Variants in APBA1 observed in about 807,000 individuals in gnomAD.
The protein encoded by APBA1 is amyloid-beta A4 precursor protein-binding family A member 1.
In APBA1, 55 loss-of-function variants were observed where a neutral mutation model predicts 86.6. The observed-to-expected ratio is 0.64, with a 90% CI of 0.51 to 0.80. The LOEUF is 0.80. Among genes scored for constraint, APBA1 ranks in the 30% least tolerant of loss-of-function variants. APBA1 has a pLI of 0.00. For synonymous variants in APBA1, 511 were observed against 493.9 expected, an observed-to-expected ratio of 1.03 and a Z score of -0.46; for missense variants, 1,090 against 1,183.0, an observed-to-expected ratio of 0.92 and a Z score of 1.15.
intron 1 of APBA1, among the ~76,000 whole-genome samples, chr9:69,636,831 G>A (rs1269931279): frequency 2.9e-4 from 2 of 6,826 alleles, no homozygotes; most frequent in East Asian, 0.011. Flanking sequence ...GAGAGAGAGA[G>A]GGAGGGAGGG....
intron 1 of APBA1, among the ~76,000 whole-genome samples, chr9:69,535,329 A>G (rs1836491762): frequency 6.6e-6 from 1 of 152,188 alleles, no homozygotes; most frequent in African/African-American, 2.4e-5. Context: ...CTGAGATCAC[A>G]TGGAAGTAGT....
intron 12 of APBA1, 132 bp downstream of exon 12, chr9:69,432,404 T>G (rs1834617073): frequency 1.2e-6 from 1 of 861,442 alleles, no homozygotes; most frequent in Non-Finnish European, 1.6e-6. Flanking sequence ...CAGGTCTGCT[T>G]GTTGGGGAGT....
At chr9:69,627,630 T>C (rs1464161896) in intron 1 of APBA1, among the ~76,000 whole-genome samples, 1 of 152,016 alleles carries the variant, frequency 6.6e-6, no homozygotes, top group Non-Finnish European at 1.5e-5. Flanking sequence ...ATGAAACAAA[T>C]ACGATGGCTA....
chr9:69,656,670 A>G (rs1823618641), intron 1 of APBA1, among the ~76,000 whole-genome samples: 4 of 152,218 alleles, frequency 2.6e-5, no homozygotes, highest in South Asian at 2.1e-4. Flanking sequence ...CAGATATGTG[A>G]AAATTTAGCA....
At chr9:69,595,494 G>A (rs1443565017) in intron 1 of APBA1, among the ~76,000 whole-genome samples, 2 of 152,110 alleles carry the variant, frequency 1.3e-5, no homozygotes, top group African/African-American at 2.4e-5. Flanking sequence ...ATATTCTAGC[G>A]GATCTCTAAC....
rs1834568206 is a variant in APBA1, at chr9:69,430,379, G to C, written c.*948C>G. 1 of 152,236 alleles carries C rather than the reference G, an allele frequency of 6.6e-6. No homozygotes were observed. The highest frequency in any genetic ancestry group is 2.4e-5 in the African/African-American group (1 of 41,462). 9.4% of individuals were successfully genotyped at this position (152,236 alleles called of 1,614,324 possible). ...GAGGGGCTGGGCCTCAGCGCAGAGA[G>C]GGCAGGTCTCTCAGGATGAGGCTGA... On this transcript the variant is annotated 3_prime_UTR_variant, in exon 13 of 13. Coordinates refer to ENST00000265381, the MANE Select transcript of APBA1 (RefSeq NM_001163.4).
chr9:69,658,351 T>A (rs1470728404), intron 1 of APBA1, among the ~76,000 whole-genome samples: 4 of 145,720 alleles, frequency 2.7e-5, no homozygotes, highest in Non-Finnish European at 4.5e-5. Context: ...TCTTTCTTTC[T>A]TTCTTTCTGT....
In APBA1 at chr9:69,510,626, C is replaced by T. The variant is rs561900377; in HGVS notation, c.1200+5385G>A. Among the ~76,000 whole-genome samples the T allele has an allele frequency of 2.1e-5, 3 of 141,386 alleles. No homozygotes were observed. The East Asian group carries it at 6.7e-4, about 32-fold the overall frequency. The allele number at this position is 141,386 out of a possible 152,430, so 92.8% of individuals were successfully genotyped here. Reference sequence around the variant, plus strand: ...CCCGCATCGCCAAGGCAATCCTAAGCCAAAAGAACAAAGCTGGAGGCATCA... The same window carrying T: ...CCCGCATCGCCAAGGCAATCCTAAGTCAAAAGAACAAAGCTGGAGGCATCA... On this transcript the variant is annotated intron_variant, in intron 2 of 12. Transcript: ENST00000265381.
intron 2 of APBA1, among the ~76,000 whole-genome samples, chr9:69,483,799 G>A (rs1835562847): frequency 1.3e-5 from 2 of 152,128 alleles, no homozygotes; most frequent in African/African-American, 2.4e-5. Context: ...GCAGGCCCAG[G>A]GTAACAGCTG....
intron 1 of APBA1, among the ~76,000 whole-genome samples, chr9:69,520,076 C>G (rs113004411): frequency 2.8e-4 from 42 of 152,286 alleles, no homozygotes; most frequent in African/African-American, 9.1e-4. Flanking sequence ...TACACACCAT[C>G]ATGTTTCCAA....
intron 1 of APBA1, among the ~76,000 whole-genome samples, chr9:69,585,747 G>T (rs953315481): frequency 6.6e-6 from 1 of 152,168 alleles, no homozygotes; most frequent in African/African-American, 2.4e-5. Flanking sequence ...ATCCTAAGCA[G>T]TGACTCATTT....
At chr9:69,551,850 G>A (rs538611651) in intron 1 of APBA1, among the ~76,000 whole-genome samples, 1 of 152,220 alleles carries the variant, frequency 6.6e-6, no homozygotes, top group Admixed American at 6.5e-5. Context: ...TCTAATCTTC[G>A]CTGTACAGAC....
chr9:69,521,747 A>T (rs944352519), intron 1 of APBA1, among the ~76,000 whole-genome samples: 11 of 152,124 alleles, frequency 7.2e-5, no homozygotes, highest in Admixed American at 6.6e-4. Context: ...CCTTGTGAAG[A>T]TCTGAGGGCA....
intron 1 of APBA1, among the ~76,000 whole-genome samples, chr9:69,655,853 T>C (rs1289744627): frequency 2.6e-5 from 4 of 152,136 alleles, no homozygotes; most frequent in Non-Finnish European, 5.9e-5. Context: ...TTACAGCTAA[T>C]AGCAAGGTAT....
intron 1 of APBA1, among the ~76,000 whole-genome samples, chr9:69,590,133 T>A (rs138002512): frequency 7.7e-4 from 118 of 152,354 alleles, no homozygotes; most frequent in African/African-American, 2.8e-3. Context: ...CCTGTGCTCA[T>A]TCCTCTCTTC....
intron 1 of APBA1, among the ~76,000 whole-genome samples, chr9:69,566,879 T>C (rs954315233): frequency 2.0e-5 from 3 of 152,144 alleles, no homozygotes; most frequent in South Asian, 2.1e-4. Flanking sequence ...TCTGGCATTA[T>C]ACACTTGCTG....
chr9:69,491,455 T>C (rs1171672730), intron 2 of APBA1, among the ~76,000 whole-genome samples: 1 of 150,584 alleles, frequency 6.6e-6, no homozygotes. Context: ...GGGCCTGTCA[T>C]GGGGTGGGGG....
At chr9:69,615,451 GA>G (rs1288005933) in intron 1 of APBA1, among the ~76,000 whole-genome samples, 1 of 152,130 alleles carries the variant, frequency 6.6e-6, no homozygotes, top group Non-Finnish European at 1.5e-5. Context: ...GCTTTGACTG[GA>G]ATATCATATT....
intron 1 of APBA1, among the ~76,000 whole-genome samples, chr9:69,592,304 C>T (rs1056141368): frequency 3.9e-5 from 6 of 152,180 alleles, no homozygotes; most frequent in African/African-American, 7.2e-5. Context: ...AAAGGAAGTG[C>T]TTTCTGGACC....
Sources: gnomAD v4.1 joint callset for allele counts (sites outside exome capture counted in the v4.1 genomes callset) on GRCh38, gnomAD v4.1.1 for gene constraint, MANE v1.5 for transcripts, NCBI Gene and HGNC (gene_info 2026-07-23, HGNC 2026-07-21) for gene names.